GRM7: variants seen among roughly 807,000 people sequenced by gnomAD.
The protein encoded by GRM7 is glutamate metabotropic receptor 7.
In GRM7, 35 loss-of-function variants were observed where a neutral mutation model predicts 84.5. The ratio of observed to expected loss-of-function variants is 0.41; its 90% CI spans 0.32 to 0.55. The LOEUF (loss-of-function observed/expected upper bound fraction) is 0.55, where lower values mean the gene tolerates loss of function less well. GRM7 is among the 20% of genes least tolerant of loss of function. GRM7 has a pLI of 0.19. For synonymous variants in GRM7, 487 were observed against 455.1 expected, an observed-to-expected ratio of 1.07 and a Z score of -0.89; for missense variants, 1,003 against 1,194.6, an observed-to-expected ratio of 0.84 and a Z score of 2.36.
chr3:6,923,621 T>C (rs1340567786), intron 1 of GRM7, among the ~76,000 whole-genome samples: 1 of 152,154 alleles, frequency 6.6e-6, no homozygotes. Context: ...AGGGTTTTTT[T>C]CCCCCTGCAC....
chr3:7,049,355 C>A (rs904106944), intron 1 of GRM7, among the ~76,000 whole-genome samples: 1 of 151,990 alleles, frequency 6.6e-6, no homozygotes, highest in Non-Finnish European at 1.5e-5. Flanking sequence ...AAAGTCACAT[C>A]TTACATGGCA....
chr3:7,629,656 G>A (rs1359739596), intron 8 of GRM7, among the ~76,000 whole-genome samples: 1 of 152,156 alleles, frequency 6.6e-6, no homozygotes, highest in East Asian at 1.9e-4. Context: ...TTGATACAAA[G>A]CTTTAAGAAC....
intron 2 of GRM7, among the ~76,000 whole-genome samples, chr3:7,271,184 C>G (rs924920928): frequency 6.6e-6 from 1 of 152,106 alleles, no homozygotes; most frequent in Admixed American, 6.5e-5. Context: ...TATGTTGAAA[C>G]CCAACAGAAA....
chr3:7,208,743 G>A (rs961804925), intron 2 of GRM7, among the ~76,000 whole-genome samples: 11 of 152,106 alleles, frequency 7.2e-5, no homozygotes, highest in Admixed American at 6.5e-4. Context: ...CCAAATCGTG[G>A]TATTACTCCA....
intron 2 of GRM7, among the ~76,000 whole-genome samples, chr3:7,183,520 G>A (rs1051099573): frequency 3.9e-5 from 6 of 152,068 alleles, no homozygotes; most frequent in Non-Finnish European, 7.4e-5. Flanking sequence ...CCAGCTACTC[G>A]GGAGGCTGAG....
intron 8 of GRM7, among the ~76,000 whole-genome samples, chr3:7,670,467 G>C (rs558498706): frequency 1.4e-4 from 21 of 152,340 alleles, no homozygotes; most frequent in Admixed American, 2.6e-4. Flanking sequence ...GTTTCTGTGA[G>C]AATCTGACAT....
chr3:7,272,198 A>T (rs1698891782), intron 2 of GRM7, among the ~76,000 whole-genome samples: 1 of 151,762 alleles, frequency 6.6e-6, no homozygotes. Context: ...GTTCTTTGAC[A>T]TTTTTACAGC....
intron 9 of GRM7, among the ~76,000 whole-genome samples, chr3:7,715,964 C>G (rs1375447911): frequency 6.6e-6 from 1 of 152,140 alleles, no homozygotes; most frequent in Non-Finnish European, 1.5e-5. Context: ...TTCCCTAACC[C>G]AAGCCAGGTT....
chr3:7,024,022 A>C (rs187673033), intron 1 of GRM7, among the ~76,000 whole-genome samples: 1 of 152,228 alleles, frequency 6.6e-6, no homozygotes, highest in Admixed American at 6.5e-5. Context: ...AAGAGGCGCA[A>C]ACCAGGGCAG....
At chr3:7,248,884 C>G (rs1487254894) in intron 2 of GRM7, among the ~76,000 whole-genome samples, 1 of 152,016 alleles carries the variant, frequency 6.6e-6, no homozygotes, top group African/African-American at 2.4e-5. Context: ...TATGATTGTT[C>G]TTATTATCAC....
chr3:7,091,867 G>T (rs1341639740), intron 1 of GRM7, among the ~76,000 whole-genome samples: 1 of 151,144 alleles, frequency 6.6e-6, no homozygotes, highest in Non-Finnish European at 1.5e-5. Flanking sequence ...TTAACACAAT[G>T]TAGGACAGTT....
intron 9 of GRM7, among the ~76,000 whole-genome samples, chr3:7,723,769 C>T (rs1702030280): frequency 6.6e-6 from 1 of 152,062 alleles, no homozygotes; most frequent in African/African-American, 2.4e-5. Context: ...ATGGCTAGAA[C>T]CCAGGAGTTT....
intron 1 of GRM7, among the ~76,000 whole-genome samples, chr3:6,973,718 T>C (rs1007977967): frequency 6.6e-6 from 1 of 152,122 alleles, no homozygotes; most frequent in Non-Finnish European, 1.5e-5. Context: ...GCCCTGAGTA[T>C]GAATGTGCCT....
intron 1 of GRM7, among the ~76,000 whole-genome samples, chr3:7,033,181 T>C (rs770098645): frequency 1.3e-5 from 2 of 152,158 alleles, no homozygotes; most frequent in Non-Finnish European, 2.9e-5. Flanking sequence ...CTTCAGTGTG[T>C]CTATATATCT....
chr3:6,913,704 AG>A (rs1696849582), intron 1 of GRM7, among the ~76,000 whole-genome samples: 1 of 152,168 alleles, frequency 6.6e-6, no homozygotes, highest in Non-Finnish European at 1.5e-5. Context: ...GTTCTGTTCA[AG>A]TTTTAGAGTA....
At chr3:7,211,967 T>C (rs115965028) in intron 2 of GRM7, among the ~76,000 whole-genome samples, 1,851 of 151,750 alleles carry the variant, frequency 0.012, 40 homozygotes, top group African/African-American at 0.042. Context: ...TTTTCTCCAA[T>C]TAACTGATGC....
rs558585770 is a variant in GRM7 at position 6,988,725 on chromosome 3, A to T, written c.519+126818A>T. Among the ~76,000 whole-genome samples the T allele has an allele frequency of 4.3e-4, 65 of 152,340 alleles. No individual in the cohort carries two copies. In the South Asian group the frequency reaches 0.013, roughly 32 times the overall value. ...TTGTCATTTGCAAATATTCAGAAGAACATGTACTCTGACTATGCCAGAATT... is the reference window on the plus strand; with the variant it reads ...TTGTCATTTGCAAATATTCAGAAGATCATGTACTCTGACTATGCCAGAATT... On this transcript the variant is annotated intron_variant, in intron 1 of 9. Transcript: ENST00000357716.
chr3:7,557,335 T>C (rs1233977176), intron 7 of GRM7, among the ~76,000 whole-genome samples: 1 of 152,200 alleles, frequency 6.6e-6, no homozygotes, highest in East Asian at 1.9e-4. Context: ...TCTAAAATTC[T>C]GATTTTCTAA....
chr3:7,153,012 G>A (rs1694332649), intron 2 of GRM7, among the ~76,000 whole-genome samples: 2 of 152,134 alleles, frequency 1.3e-5, no homozygotes, highest in Middle Eastern at 3.4e-3. Context: ...AGCAGTAGCA[G>A]TAAAAACCAC....
Sources: gnomAD v4.1 joint callset for allele counts (sites outside exome capture counted in the v4.1 genomes callset) on GRCh38, gnomAD v4.1.1 for gene constraint, MANE v1.5 for transcripts, NCBI Gene and HGNC (gene_info 2026-07-23, HGNC 2026-07-21) for gene names.